Variants in QNG1 observed in about 807,000 individuals in gnomAD.
The protein encoded by QNG1 is Q-nucleotide N-glycosylase 1.
At chr9:83,942,482 T>C in the QNG1 span, among the ~76,000 whole-genome samples, 892 of 152,240 alleles carry the variant, frequency 5.9e-3, 8 homozygotes, top group Non-Finnish European at 7.3e-3. Context: ...GATACCCAGA[T>C]GAGGGGAGAA....
At chr9:83,948,261 G>A in the QNG1 span, among the ~76,000 whole-genome samples, 1 of 150,876 alleles carries the variant, frequency 6.6e-6, no homozygotes, top group African/African-American at 2.4e-5. Flanking sequence ...GAGAAGTGAG[G>A]AGCCCCTCCG....
At chr9:83,948,741 T>A in the QNG1 span, among the ~76,000 whole-genome samples, 1 of 152,228 alleles carries the variant, frequency 6.6e-6, no homozygotes, top group East Asian at 1.9e-4. Context: ...CATTTTGTTA[T>A]GTACTAAGAA....
At chr9:83,945,832 G>A in the QNG1 span, among the ~76,000 whole-genome samples, 2 of 151,976 alleles carry the variant, frequency 1.3e-5, no homozygotes, top group Admixed American at 1.3e-4. Flanking sequence ...TCGATCTCCT[G>A]ACCTTGTGAT....
the QNG1 span, chr9:83,953,681 G>A: frequency 1.4e-6 from 1 of 708,282 alleles, no homozygotes; most frequent in Non-Finnish European, 2.4e-6. Flanking sequence ...TTTTTGAGAT[G>A]GAGTCCAGCT....
the QNG1 span, among the ~76,000 whole-genome samples, chr9:83,951,426 G>A: frequency 7.9e-5 from 12 of 152,006 alleles, no homozygotes; most frequent in African/African-American, 2.7e-4. Flanking sequence ...CTGGCGTGGT[G>A]GTGCGCACCT....
the QNG1 span, among the ~76,000 whole-genome samples, chr9:83,950,052 T>C: frequency 6.8e-6 from 1 of 147,748 alleles, no homozygotes; most frequent in Non-Finnish European, 1.5e-5. Context: ...TTTTCCTATT[T>C]TTTTTTTTTT....
the QNG1 span, among the ~76,000 whole-genome samples, chr9:83,942,481 A>G: frequency 2.0e-5 from 3 of 152,210 alleles, no homozygotes; most frequent in African/African-American, 7.2e-5. Flanking sequence ...AGATACCCAG[A>G]TGAGGGGAGA....
the QNG1 span, among the ~76,000 whole-genome samples, chr9:83,945,994 A>G: frequency 2.6e-5 from 4 of 152,120 alleles, no homozygotes; most frequent in East Asian, 3.9e-4. Flanking sequence ...AATATAATTC[A>G]CATTAATTGT....
the QNG1 span, chr9:83,956,696 A>G: frequency 0.55 from 248,605 of 452,296 alleles, 70,231 homozygotes; most frequent in African/African-American, 0.71. Context: ...TTAGGAAACC[A>G]GAGAGACCCC....
At chr9:83,950,049 AT>A in the QNG1 span, among the ~76,000 whole-genome samples, 26,934 of 136,808 alleles carry the variant, frequency 0.2, 2,979 homozygotes, top group Middle Eastern at 0.29. Flanking sequence ...ACATTTTCCT[AT>A]TTTTTTTTTT....
the QNG1 span, chr9:83,956,027 T>C: frequency 1.3e-6 from 1 of 769,696 alleles, no homozygotes; most frequent in Non-Finnish European, 2.1e-6. Context: ...ATTTTAAGCA[T>C]AAGGACTTGC....
the QNG1 span, among the ~76,000 whole-genome samples, chr9:83,940,410 C>T: frequency 2.0e-5 from 3 of 152,106 alleles, no homozygotes; most frequent in East Asian, 5.8e-4. Flanking sequence ...GCCGAGATCA[C>T]GCCATTGCAC....
the QNG1 span, chr9:83,953,892 T>C: frequency 8.4e-7 from 1 of 1,193,062 alleles, no homozygotes. Flanking sequence ...ACACTGAACT[T>C]TTCAAGAAAT....
chr9:83,952,583 A>C, the QNG1 span, among the ~76,000 whole-genome samples: 2 of 152,162 alleles, frequency 1.3e-5, no homozygotes, highest in Admixed American at 1.3e-4. Flanking sequence ...TCACCAGGTC[A>C]GGAGATCAAG....
the QNG1 span, among the ~76,000 whole-genome samples, chr9:83,946,904 ATT>A: frequency 2.1e-5 from 3 of 145,000 alleles, no homozygotes; most frequent in Non-Finnish European, 1.5e-5. Context: ...TGGCCTACAA[ATT>A]TTTTTTTTTT....
chr9:83,956,262 G>A, the QNG1 span: 1 of 1,614,050 alleles, frequency 6.2e-7, no homozygotes, highest in Non-Finnish European at 8.5e-7. Context: ...GTCCTGCTCC[G>A]ACCAAAAGGA....
At chr9:83,938,658 A>G in the QNG1 span, 3 of 147,862 alleles carry the variant, frequency 2.0e-5, no homozygotes, top group East Asian at 3.9e-4. Flanking sequence ...TCCGTCAACT[A>G]CATGTCCACA....
the QNG1 span, among the ~76,000 whole-genome samples, chr9:83,951,280 G>A: frequency 1.3e-5 from 2 of 151,966 alleles, no homozygotes; most frequent in African/African-American, 4.8e-5. Context: ...AAAAAACAAA[G>A]GCTGGCATGG....
the QNG1 span, among the ~76,000 whole-genome samples, chr9:83,951,254 TCAAAAAA>T: frequency 7.0e-3 from 1,054 of 149,964 alleles, 14 homozygotes; most frequent in African/African-American, 0.025. Flanking sequence ...AGACTCCATC[TCAAAAAA>T]CAAAAAACAA....
Sources: allele counts gnomAD v4.1 joint callset (sites outside exome capture counted in the v4.1 genomes callset), GRCh38; gene constraint gnomAD v4.1.1; transcripts MANE v1.5; gene names NCBI Gene and HGNC (gene_info 2026-07-23, HGNC 2026-07-21).